RBMS1: variants seen among roughly 807,000 people sequenced by gnomAD.
RBMS1 encodes the protein RNA-binding motif, single-stranded-interacting protein 1.
Under a neutral mutation model 62.3 loss-of-function variants are expected in RBMS1, and 17 were observed. That is an observed-to-expected ratio of 0.27 (90% confidence interval 0.19 to 0.41). The LOEUF is 0.41. Ranked by LOEUF, RBMS1 falls within the 10% of genes least tolerant of loss-of-function variation. The pLI, the probability that RBMS1 is intolerant of heterozygous loss-of-function variation, is 1.00. For missense variants in RBMS1, 334 were observed against 504.5 expected (o/e 0.66, Z 3.24); for synonymous variants, 172 against 170.0 (o/e 1.01, Z -0.09).
chr2:160,300,318 G>T (rs559441219), intron 6 of RBMS1, among the ~76,000 whole-genome samples: 1 of 152,266 alleles, frequency 6.6e-6, no homozygotes, highest in South Asian at 2.1e-4. Flanking sequence ...GGGATAGAAA[G>T]GTACCACAGT....
At chr2:160,374,229 TG>T (rs1322626967) in intron 1 of RBMS1, among the ~76,000 whole-genome samples, 9 of 152,294 alleles carry the variant, frequency 5.9e-5, no homozygotes, top group Non-Finnish European at 1.3e-4. Flanking sequence ...CACTCCAGCC[TG>T]GGTAACAGAG....
At chr2:160,449,153 G>C (rs1450520900) in intron 1 of RBMS1, among the ~76,000 whole-genome samples, 1 of 151,832 alleles carries the variant, frequency 6.6e-6, no homozygotes, top group African/African-American at 2.4e-5. Flanking sequence ...GCCCCCACTG[G>C]GAAGTGAGGA....
chr2:160,356,140 A>G (rs1033028863), intron 2 of RBMS1, among the ~76,000 whole-genome samples: 4 of 152,104 alleles, frequency 2.6e-5, no homozygotes, highest in Admixed American at 2.6e-4. Context: ...GCGCCTAGCA[A>G]ATGACAAGTT....
chr2:160,351,132 C>T (rs1255854543), intron 2 of RBMS1, among the ~76,000 whole-genome samples: 1 of 148,380 alleles, frequency 6.7e-6, no homozygotes, highest in Non-Finnish European at 1.5e-5. Flanking sequence ...ACAATGAGAA[C>T]ACTTGGACAC....
chr2:160,383,989 A>G (rs891334405), intron 1 of RBMS1, among the ~76,000 whole-genome samples: 3 of 152,208 alleles, frequency 2.0e-5, no homozygotes, highest in Non-Finnish European at 2.9e-5. Flanking sequence ...CAAGGTCAGG[A>G]GATCGAGACC....
chr2:160,305,257 C>T (rs1179412426), intron 4 of RBMS1, among the ~76,000 whole-genome samples: 1 of 152,218 alleles, frequency 6.6e-6, no homozygotes, highest in African/African-American at 2.4e-5. Flanking sequence ...TCACCACTCA[C>T]TCACTGACTC....
intron 1 of RBMS1, among the ~76,000 whole-genome samples, chr2:160,436,602 T>G (rs561847931): frequency 6.6e-6 from 1 of 152,400 alleles, no homozygotes; most frequent in Middle Eastern, 3.4e-3. Context: ...CCAAGCTTGC[T>G]ACTTCTCCTT....
intron 2 of RBMS1, among the ~76,000 whole-genome samples, chr2:160,325,629 A>G (rs895743482): frequency 1.3e-5 from 2 of 152,202 alleles, no homozygotes; most frequent in Admixed American, 1.3e-4. Flanking sequence ...AGCTCTTTCA[A>G]CAGTGGTTGG....
rs1012885691 is a variant in RBMS1, at chr2:160,273,428, G to C, written c.*1344C>G. 2.0e-5 allele frequency: 3 copies of C among 152,124 alleles called. No individual in the cohort carries two copies. The highest frequency in any genetic ancestry group is 4.4e-5 in the Non-Finnish European group (3 of 68,016). 9.4% of individuals were successfully genotyped at this position (152,124 alleles called of 1,614,324 possible). On this transcript the variant is annotated 3_prime_UTR_variant, in exon 14 of 14. Coordinates refer to ENST00000348849, the MANE Select transcript of RBMS1 (RefSeq NM_016836.4). ...GATGCTGAGACAAGTTGGAGCTACT[G>C]GTTACTGGCTCTTCGGTCTTTGGTG...
At chr2:160,286,094 G>C (rs1380919245) in intron 7 of RBMS1, among the ~76,000 whole-genome samples, 1 of 151,726 alleles carries the variant, frequency 6.6e-6, no homozygotes, top group African/African-American at 2.4e-5. Context: ...CTGAGCGACA[G>C]AGCAAGACTC....
chr2:160,361,469 A>AAC (rs1221833812), intron 2 of RBMS1, among the ~76,000 whole-genome samples: 1 of 152,256 alleles, frequency 6.6e-6, no homozygotes, highest in Non-Finnish European at 1.5e-5. Context: ...TTCTTCTGCA[A>AAC]ACACAGGCAT....
At chr2:160,407,753 G>C (rs1467646432) in intron 1 of RBMS1, 2 of 981,194 alleles carry the variant, frequency 2.0e-6, no homozygotes, top group East Asian at 2.3e-4. Context: ...GCGCGGCAGC[G>C]GGCGAGACTC....
chr2:160,277,643 T>C lies in RBMS1; in HGVS notation c.1063-260A>G, dbSNP rs910180016. On this transcript the variant is annotated intron_variant, in intron 11 of 13. Transcript: ENST00000348849. ...AAGTGAAGATAAAAAAAGTTTATTA[T>C]GGGTGAAGATAAAAAAGTTTGTCAC... is the stretch of plus-strand genomic sequence containing the variant. 11 of 343,378 alleles carry C rather than the reference T, an allele frequency of 3.2e-5. No homozygotes were observed. In the East Asian group the frequency reaches 4.4e-4, roughly 14 times the overall value. The allele number at this position is 343,378 out of a possible 1,614,324, so 21.3% of individuals were successfully genotyped here. A position where few individuals can be genotyped will look rare whatever the true frequency, so the allele number is the denominator to read the frequency against.
chr2:160,325,464 CTT>C (rs1690870230), intron 2 of RBMS1, among the ~76,000 whole-genome samples: 1 of 152,190 alleles, frequency 6.6e-6, no homozygotes, highest in African/African-American at 2.4e-5. Flanking sequence ...GAAACCCCCT[CTT>C]GTTATTTTGG....
chr2:160,491,311 C>T (rs1254479776), intron 1 of RBMS1, among the ~76,000 whole-genome samples: 2 of 152,062 alleles, frequency 1.3e-5, no homozygotes, highest in Non-Finnish European at 2.9e-5. Context: ...AAAGGAATTC[C>T]GAATAATAGG....
intron 1 of RBMS1, among the ~76,000 whole-genome samples, chr2:160,462,185 A>G (rs1684493916): frequency 2.0e-5 from 3 of 152,164 alleles, no homozygotes; most frequent in African/African-American, 7.2e-5. Context: ...TATTCAAGTG[A>G]CCTGACAACC....
chr2:160,471,717 A>AT (rs1422014155), intron 1 of RBMS1, among the ~76,000 whole-genome samples: 75 of 53,918 alleles, frequency 1.4e-3, no homozygotes, highest in East Asian at 5.5e-3. Context: ...ATATATATAT[A>AT]ACCTTTCATA....
At chr2:160,384,258 A>C (rs1236866234) in intron 1 of RBMS1, among the ~76,000 whole-genome samples, 3 of 152,132 alleles carry the variant, frequency 2.0e-5, no homozygotes, top group Non-Finnish European at 2.9e-5. Flanking sequence ...AAAAAATTGA[A>C]TTTTCTTTAT....
chr2:160,279,014 C>T, intron 10 of RBMS1: 1 of 174,102 alleles, frequency 5.7e-6, no homozygotes, highest in Admixed American at 5.7e-5. Context: ...ATTATCACTG[C>T]CTGCCTAGGG....
Sources: allele counts gnomAD v4.1 joint callset (sites outside exome capture counted in the v4.1 genomes callset), GRCh38; gene constraint gnomAD v4.1.1; transcripts MANE v1.5; gene names NCBI Gene and HGNC (gene_info 2026-07-23, HGNC 2026-07-21).